The following ERBB4 variants were observed in gnomAD, a reference collection of about 807,000 sequenced individuals.
The protein encoded by ERBB4 is erb-b2 receptor tyrosine kinase 4.
Under a neutral mutation model 158.0 loss-of-function variants are expected in ERBB4, and 42 were observed. The observed-to-expected ratio is 0.27, with a 90% confidence interval of 0.21 to 0.34. ERBB4 has a LOEUF of 0.34. Ranked by LOEUF, ERBB4 falls within the 10% of genes least tolerant of loss-of-function variation. The pLI is 1.00. For missense variants in ERBB4, 1,333 were observed against 1,624.1 expected (o/e 0.82, Z 3.08); for synonymous variants, 583 against 558.7 (o/e 1.04, Z -0.61).
intron 1 of ERBB4, among the ~76,000 whole-genome samples, chr2:212,215,821 C>A (rs1027139753): frequency 6.6e-6 from 1 of 151,302 alleles, no homozygotes; most frequent in Admixed American, 6.6e-5. Flanking sequence ...TTTGGCTATG[C>A]GCCTACTTTT....
chr2:212,490,403 T>C (rs969191523), intron 1 of ERBB4, among the ~76,000 whole-genome samples: 11 of 151,546 alleles, frequency 7.3e-5, no homozygotes, highest in Admixed American at 1.3e-4. Context: ...TTCACTTTGA[T>C]ATTTTCATGC....
chr2:211,868,552 T>A (rs987495470), intron 3 of ERBB4, among the ~76,000 whole-genome samples: 1 of 152,172 alleles, frequency 6.6e-6, no homozygotes, highest in African/African-American at 2.4e-5. Context: ...TACAGAATTA[T>A]CTTTGAAAAC....
At chr2:211,976,351 T>C (rs2081606137) in intron 2 of ERBB4, among the ~76,000 whole-genome samples, 1 of 152,206 alleles carries the variant, frequency 6.6e-6, no homozygotes, top group Admixed American at 6.5e-5. Context: ...GAATTCCCGA[T>C]AGTTTTAATT....
intron 3 of ERBB4, among the ~76,000 whole-genome samples, chr2:211,816,306 T>G (rs2076878804): frequency 6.6e-6 from 1 of 151,886 alleles, no homozygotes; most frequent in Admixed American, 6.6e-5. Context: ...TTTGGGAGGC[T>G]GAGGTGGGCA....
At chr2:211,408,336 A>T (rs2063187027) in intron 25 of ERBB4, among the ~76,000 whole-genome samples, 1 of 152,200 alleles carries the variant, frequency 6.6e-6, no homozygotes, top group Non-Finnish European at 1.5e-5. Context: ...TAAAACATTC[A>T]TTAACATTCT....
rs138308445 is a variant in ERBB4, at chr2:212,302,382, T to G, written c.83-177479A>C. ...ATAGAGTAGACATAAGGTATTTATA[T>G]AAAATCTCCTTGTTGTATAATATCT... On this transcript the variant is annotated intron_variant, in intron 1 of 27. Transcript: ENST00000342788. 2.3e-3 allele frequency among the ~76,000 whole-genome samples: 356 copies of G among 151,610 alleles called. 1 individual carries two copies. The highest frequency in any genetic ancestry group is 8.2e-3 in the African/African-American group (341 of 41,502).
At chr2:211,479,423 G>T (rs765152240) in intron 20 of ERBB4, among the ~76,000 whole-genome samples, 9 of 152,058 alleles carry the variant, frequency 5.9e-5, no homozygotes, top group Non-Finnish European at 1.3e-4. Context: ...ACTTAGGATA[G>T]CCCACTATTC....
chr2:212,084,473 AGAGAAAAC>A (rs778786638), intron 2 of ERBB4, among the ~76,000 whole-genome samples: 2 of 152,018 alleles, frequency 1.3e-5, no homozygotes, highest in Non-Finnish European at 2.9e-5. Flanking sequence ...ATTACAATTT[AGAGAAAAC>A]ACTATTGCCT....
rs143316456 is a variant in ERBB4, at chr2:212,528,217, T to C, written c.82+10232A>G. Among the ~76,000 whole-genome samples, 3 of 152,164 alleles carry C rather than the reference T, an allele frequency of 2.0e-5. No homozygotes were observed. The East Asian group carries it at 5.8e-4, about 29-fold the overall frequency. On this transcript the variant is annotated intron_variant, in intron 1 of 27. Transcript: ENST00000342788. Reference sequence around the variant, plus strand: ...GCACTAAGATCTGGCATGCTAAGCATCCCTTTCTTGCACAGTGGGCAGGTA... The same window carrying C: ...GCACTAAGATCTGGCATGCTAAGCACCCCTTTCTTGCACAGTGGGCAGGTA...
chr2:212,142,832 C>T (rs976662308), intron 1 of ERBB4, among the ~76,000 whole-genome samples: 2 of 151,648 alleles, frequency 1.3e-5, no homozygotes, highest in Non-Finnish European at 1.5e-5. Context: ...TGTTACGCTG[C>T]CAGAAGAAAA....
chr2:212,134,254 A>G (rs2080199058), intron 1 of ERBB4, among the ~76,000 whole-genome samples: 1 of 152,044 alleles, frequency 6.6e-6, no homozygotes, highest in African/African-American at 2.4e-5. Context: ...CCATCCTTAC[A>G]TTCTTGAATG....
chr2:211,457,873 C>T (rs1181913614), intron 20 of ERBB4, among the ~76,000 whole-genome samples: 1 of 152,204 alleles, frequency 6.6e-6, no homozygotes, highest in Non-Finnish European at 1.5e-5. Context: ...GACCAAACCA[C>T]AGGTTAGAGG....
At position 211,589,746 on chromosome 2, in the gene ERBB4, A is replaced by T. The variant is rs545167028; in HGVS notation, c.2302-27658T>A. On this transcript the variant is annotated intron_variant, in intron 19 of 27. Transcript: ENST00000342788. ...ATTGCCTAATACTTCTGAATTCAAAATTGATCATTAACTATAAAAAAAACT... is the reference window on the plus strand; with the variant it reads ...ATTGCCTAATACTTCTGAATTCAAATTTGATCATTAACTATAAAAAAAACT... Among the ~76,000 whole-genome samples the T allele has an allele frequency of 5.3e-5, 8 of 152,290 alleles. No homozygotes were observed. The East Asian group carries it at 1.5e-3, about 29-fold the overall frequency.
intron 1 of ERBB4, among the ~76,000 whole-genome samples, chr2:212,409,252 A>G (rs1027377104): frequency 2.0e-5 from 3 of 152,252 alleles, no homozygotes; most frequent in African/African-American, 7.2e-5. Flanking sequence ...TTCTCTACCT[A>G]CTTGTCCATT....
At chr2:211,709,155 T>C (rs1345220990) in intron 9 of ERBB4, among the ~76,000 whole-genome samples, 10 of 151,500 alleles carry the variant, frequency 6.6e-5, no homozygotes, top group Non-Finnish European at 1.2e-4. Flanking sequence ...TTGGACTACC[T>C]GTTTCCATTT....
At chr2:212,301,059 T>G (rs550038423) in intron 1 of ERBB4, among the ~76,000 whole-genome samples, 2 of 151,458 alleles carry the variant, frequency 1.3e-5, no homozygotes, top group South Asian at 4.1e-4. Flanking sequence ...TTAAAAGATT[T>G]GTACAGTTAA....
At chr2:211,988,787 A>G (rs753249971) in intron 2 of ERBB4, among the ~76,000 whole-genome samples, 4 of 152,024 alleles carry the variant, frequency 2.6e-5, no homozygotes, top group Non-Finnish European at 4.4e-5. Context: ...AGCTACTTTT[A>G]TCAATCTTTG....
chr2:212,487,695 G>A (rs1189028508), intron 1 of ERBB4, among the ~76,000 whole-genome samples: 1 of 151,908 alleles, frequency 6.6e-6, no homozygotes, highest in African/African-American at 2.4e-5. Context: ...AAGGAAGAAC[G>A]AGAGAAATAA....
intron 1 of ERBB4, among the ~76,000 whole-genome samples, chr2:212,182,931 C>T (rs1398573397): frequency 6.6e-6 from 1 of 150,798 alleles, no homozygotes; most frequent in African/African-American, 2.4e-5. Context: ...AAATTATAAA[C>T]AAGAGGAAAA....
Sources: allele counts gnomAD v4.1 joint callset (sites outside exome capture counted in the v4.1 genomes callset), GRCh38; gene constraint gnomAD v4.1.1; transcripts MANE v1.5; gene names NCBI Gene and HGNC (gene_info 2026-07-23, HGNC 2026-07-21).